ICE1: variants seen among roughly 807,000 people sequenced by gnomAD.
ICE1 encodes interactor of little elongation complex ELL subunit 1.
Under a neutral mutation model 192.7 loss-of-function variants are expected in ICE1, and 64 were observed. The ratio of observed to expected loss-of-function variants is 0.33; its 90% CI spans 0.27 to 0.41. The LOEUF is 0.41. Ranked by LOEUF, ICE1 falls within the 10% of genes least tolerant of loss-of-function variation. The pLI, the probability that ICE1 is intolerant of heterozygous loss-of-function variation, is 1.00. For synonymous variants in ICE1, 1,010 were observed against 984.5 expected, an observed-to-expected ratio of 1.03 and a Z score of -0.49; for missense variants, 2,708 against 2,696.0, an observed-to-expected ratio of 1.00 and a Z score of -0.10.
chr5:5,454,126 C>G (rs1242090608), intron 10 of ICE1, among the ~76,000 whole-genome samples: 2 of 152,172 alleles, frequency 1.3e-5, no homozygotes, highest in Non-Finnish European at 2.9e-5. Flanking sequence ...GGATGCTTCT[C>G]TACTCCTTGT....
chr5:5,489,049 AG>A, intron 18 of ICE1, 99 bp from the exon 19 acceptor site: 5 of 963,474 alleles, frequency 5.2e-6, no homozygotes, highest in Non-Finnish European at 7.7e-6. Context: ...GCTGGCAGAA[AG>A]CATTCTGTAT....
Position 5,461,245 on chromosome 5 carries a change from A to G in ICE1, c.1911A>G (p.Val637=), listed in dbSNP as rs1738765985. Residue 637 remains valine (V), a synonymous_variant, in exon 13 of 19, where the codon GTA becomes GTG. Transcript: ENST00000296564. ...ETSFSSSSTL[V]ALSVGSNPQS... ...GTTTTTCTTCCTCTTCTACCTTGGT[A>G]GCATTGTCTGTTGGCAGTAATCCCC... 1 of 1,614,024 alleles carries G rather than the reference A, an allele frequency of 6.2e-7. No individual in the cohort carries two copies.
rs773946701 is a variant in ICE1, at chr5:5,462,190, C to T, written c.2856C>T (p.Ser952=). 17 of 1,611,490 alleles carry T rather than the reference C, an allele frequency of 1.1e-5. No homozygotes were observed. Among genetic ancestry groups the T allele is most frequent in the Non-Finnish European group, 1.4e-5 (16 of 1,178,490 alleles). ...CACCAGTAGAAAATTCTGATTGTTC[C>T]ACAAATAGCAGATTATCTTTCTCTC... ...GSSPVENSDC[S]TNSRLSFSPE... is the part of the protein sequence containing the mutation. Residue 952 remains serine (S), a synonymous_variant, in exon 13 of 19, where the codon TCC becomes TCT. Transcript: ENST00000296564.
At position 5,461,291 on chromosome 5, in the gene ICE1, T is replaced by C. The variant is rs1738768651; in HGVS notation, c.1957T>C (p.Cys653Arg). The part of the protein sequence containing the change: ...SNPQSSSGLD[C>R]GNDTDITTKV... Reference sequence around the variant, plus strand: ...TCCCCAGTCTTCTTCTGGGTTAGACTGTGGTAATGATACAGATATTACTAC... The same window carrying C: ...TCCCCAGTCTTCTTCTGGGTTAGACCGTGGTAATGATACAGATATTACTAC... Residue 653 changes from cysteine to arginine, a missense_variant, in exon 13 of 19, where the codon TGT (cysteine) becomes CGT (arginine). Physicochemically the swap from Cys to Arg is radical, Grantham distance 180 (BLOSUM62 -3). Transcript: ENST00000296564. 6.2e-7 allele frequency: 1 copy of C among 1,613,918 alleles called. No homozygotes were observed. Among genetic ancestry groups the C allele is most frequent in the Non-Finnish European group, 8.5e-7 (1 of 1,179,850 alleles).
chr5:5,483,292 G>C (rs914393508), intron 17 of ICE1, among the ~76,000 whole-genome samples: 1 of 152,044 alleles, frequency 6.6e-6, no homozygotes, highest in Non-Finnish European at 1.5e-5. Context: ...CACCATGCCC[G>C]GCCACTGTCT....
intron 1 of ICE1, among the ~76,000 whole-genome samples, chr5:5,423,459 C>T (rs1737398077): frequency 6.6e-6 from 1 of 151,912 alleles, no homozygotes; most frequent in South Asian, 2.1e-4. Context: ...GTCTTAGACT[C>T]GAAGAGTCTA....
Position 5,464,523 on chromosome 5 carries a change from G to A in ICE1, c.5189G>A (p.Arg1730Gln), listed in dbSNP as rs780075202. The A allele has an allele frequency of 1.7e-5, 27 of 1,613,782 alleles. No homozygotes were observed. The highest frequency in any genetic ancestry group is 1.3e-4 in the Admixed American group (8 of 60,000). ...AAGCACGCACTTCCTGTGCCTGGCC[G>A]ACTCCCACCCTGTGCATCTGGCCAC... ...TPKHALPVPG[R>Q]LPPCASGHAA... The change falls in exon 13 of 19, where the codon CGA becomes CAA. Residue 1730 changes from arginine to glutamine, a missense_variant. Arg to Gln is a conservative substitution (Grantham distance 43, BLOSUM62 1). Coordinates refer to ENST00000296564, the MANE Select transcript of ICE1 (RefSeq NM_015325.3). This position sits in a 1 kb window ranked among gnomAD's most constrained non-coding sequence, Gnocchi z 4.0.
chr5:5,463,458 A>T lies in ICE1; in HGVS notation c.4124A>T (p.Asp1375Val). Residue 1375 changes from aspartate (D) to valine (V), a missense_variant, in exon 13 of 19, where the codon GAC becomes GTC. By Grantham distance (152) the Asp-to-Val change is radical (BLOSUM62 -3). Around this residue, in one of 2 missense-constraint regions of ICE1, gnomAD observed 2,366 missense variants for 2,276.6 expected, o/e 1.04. Transcript: ENST00000296564. ...EPVEPSALCS[D>V]SVMEPSIEQS... ...GTGGAGCCATCAGCCTTGTGCTCTGACTCTGTGATGGAGCCATCCATAGAG... is the reference window on the plus strand; with the variant it reads ...GTGGAGCCATCAGCCTTGTGCTCTGTCTCTGTGATGGAGCCATCCATAGAG... 2 of 1,612,714 alleles carry T rather than the reference A, an allele frequency of 1.2e-6. No individual in the cohort carries two copies. The highest frequency in any genetic ancestry group is 1.7e-6 in the Non-Finnish European group (2 of 1,179,368).
intron 1 of ICE1, among the ~76,000 whole-genome samples, chr5:5,434,058 T>C (rs890237119): frequency 2.0e-5 from 3 of 152,120 alleles, no homozygotes; most frequent in Non-Finnish European, 4.4e-5. Context: ...CATTAGAAAA[T>C]CTATTGTAGT....
intron 3 of ICE1, among the ~76,000 whole-genome samples, chr5:5,438,240 T>G (rs3111175): frequency 0.45 from 67,837 of 151,724 alleles, 16,017 homozygotes; most frequent in East Asian, 0.63. Context: ...AGAACAGCAC[T>G]GGGGGACTGC....
At chr5:5,481,038 C>A (rs563381740) in intron 17 of ICE1, among the ~76,000 whole-genome samples, 61 of 152,230 alleles carry the variant, frequency 4.0e-4, no homozygotes, top group African/African-American at 1.4e-3. Flanking sequence ...ACAGGAGGGT[C>A]AGTGATGGCA....
rs538988305 is a variant in ICE1, at chr5:5,480,609, C to T, written c.6520+4530C>T. On this transcript the variant is annotated intron_variant, in intron 17 of 18. Coordinates refer to ENST00000296564, the MANE Select transcript of ICE1 (RefSeq NM_015325.3). ...TGAAATAAGGTTAGTGTTTGAGAATCGGTTATATAAGTCAGTCTAAAAATA... is the reference window on the plus strand; with the variant it reads ...TGAAATAAGGTTAGTGTTTGAGAATTGGTTATATAAGTCAGTCTAAAAATA... 2.5e-3 allele frequency among the ~76,000 whole-genome samples: 379 copies of T among 152,234 alleles called. 1 individual carries two copies. The highest frequency in any genetic ancestry group is 3.4e-3 in the Middle Eastern group (1 of 294).
chr5:5,458,876 T>G (rs1229994320), intron 12 of ICE1, among the ~76,000 whole-genome samples: 1 of 151,986 alleles, frequency 6.6e-6, no homozygotes, highest in African/African-American at 2.4e-5. Flanking sequence ...CTTAAAATAT[T>G]TTTTCTTTTT....
rs780129201 is a variant in ICE1, at chr5:5,473,731, G to T, written c.6396G>T (p.Thr2132=). 5.0e-6 allele frequency: 8 copies of T among 1,596,382 alleles called. No individual in the cohort carries two copies. Among genetic ancestry groups the T allele is most frequent in the Non-Finnish European group, 6.8e-6 (8 of 1,174,254 alleles). ...GCTGCCATCAGAAATGGATCTGGAC[G>T]CATGATAACATCATAAGGTTAGTTA... is the stretch of plus-strand genomic sequence containing the variant. ...LLCCHQKWIW[T]HDNIISKELW... Residue 2132 remains threonine (T), a synonymous_variant, in exon 16 of 19, where the codon ACG becomes ACT. Coordinates refer to ENST00000296564, the MANE Select transcript of ICE1 (RefSeq NM_015325.3).
At chr5:5,431,270 T>C (rs910529910) in intron 1 of ICE1, among the ~76,000 whole-genome samples, 1 of 152,136 alleles carries the variant, frequency 6.6e-6, no homozygotes, top group African/African-American at 2.4e-5. Flanking sequence ...TTAGAAAAAA[T>C]AATAGTTTAA....
intron 14 of ICE1, 139 bp downstream of exon 14, chr5:5,466,641 T>TATTCA: frequency 4.2e-6 from 3 of 721,204 alleles, no homozygotes; most frequent in Non-Finnish European, 6.6e-6. Context: ...TAGCTTTAGC[T>TATTCA]ATACCCAGCT....
intron 1 of ICE1, among the ~76,000 whole-genome samples, chr5:5,424,985 A>C (rs1195804782): frequency 1.3e-5 from 2 of 152,298 alleles, no homozygotes; most frequent in East Asian, 3.9e-4. Context: ...GTGCAGAAGA[A>C]CTACTGATGT....
Position 5,437,102 on chromosome 5 carries a change from A to C in ICE1, c.166A>C (p.Lys56Gln), listed in dbSNP as rs1255655453. 6.5e-7 allele frequency: 1 copy of C among 1,535,534 alleles called. No homozygotes were observed. Among genetic ancestry groups the C allele is most frequent in the South Asian group, 1.2e-5 (1 of 84,670 alleles). Residue 56 changes from lysine (K) to glutamine (Q), a missense_variant, in exon 3 of 19, where the codon AAG becomes CAG. By Grantham distance (53) the Lys-to-Gln change is moderately conservative (BLOSUM62 1). Around this residue, in one of 2 missense-constraint regions of ICE1, gnomAD observed 2,366 missense variants for 2,276.6 expected, o/e 1.04. Transcript: ENST00000296564. ...CAGTAATTTGTTAACAGAATATCAG[A>C]AGAAATGTGATGATATCCTTTTACT... ...NTDNLLTEYQ[K>Q]KCDELQFARR...
In ICE1 at chr5:5,422,738, C is replaced by T. The variant is rs987612310; in HGVS notation, c.-178C>T. 9 of 375,410 alleles carry T rather than the reference C, an allele frequency of 2.4e-5. No individual in the cohort carries two copies. Among genetic ancestry groups the T allele is most frequent in the Non-Finnish European group, 4.2e-5 (9 of 214,660 alleles). 23.3% of individuals were successfully genotyped at this position (375,410 alleles called of 1,614,324 possible). On this transcript the variant is annotated 5_prime_UTR_variant, in exon 1 of 19. Transcript: ENST00000296564. ...TTTCTTTTTAGTGCCTGAGGCAGCTCTGGCTCGGAGAGCCTTTTGCTAGCC... is the reference window on the plus strand; with the variant it reads ...TTTCTTTTTAGTGCCTGAGGCAGCTTTGGCTCGGAGAGCCTTTTGCTAGCC...
Sources: allele counts gnomAD v4.1 joint callset (sites outside exome capture counted in the v4.1 genomes callset), GRCh38; gene constraint gnomAD v4.1.1; regional missense constraint gnomAD v4.1.1; non-coding constraint Gnocchi (gnomAD v3.1); transcripts MANE v1.5; gene names NCBI Gene and HGNC (gene_info 2026-07-23, HGNC 2026-07-21).